Variants in TCTN1 observed in about 807,000 individuals in gnomAD.
The protein encoded by TCTN1 is tectonic family member 1.
A neutral mutation model predicts 65.8 loss-of-function variants in TCTN1; 58 were observed. That is an observed-to-expected ratio of 0.88 (90% confidence interval 0.71 to 1.10). The LOEUF (loss-of-function observed/expected upper bound fraction) is 1.10, where lower values mean the gene tolerates loss of function less well. TCTN1 is among the 50% of genes least tolerant of loss of function. The probability of loss-of-function intolerance (pLI) is 0.00; values close to 1 mark genes in which losing one functional copy is unlikely to be tolerated. For missense variants in TCTN1, 645 were observed against 719.4 expected (o/e 0.90, Z 1.18); for synonymous variants, 273 against 289.1 (o/e 0.94, Z 0.57).
Position 110,636,477 on chromosome 12 carries a change from C to T in TCTN1, c.823-4C>T, listed in dbSNP as rs754017886. 6.6e-6 allele frequency: 9 copies of T among 1,373,504 alleles called. No homozygotes were observed. The highest frequency in any genetic ancestry group is 4.7e-5 in the East Asian group (2 of 42,258). 85.1% of individuals were successfully genotyped at this position (1,373,504 alleles called of 1,614,324 possible). A position where few individuals can be genotyped will look rare whatever the true frequency, so the allele number is the denominator to read the frequency against. On this transcript the variant is annotated splice_region_variant and splice_polypyrimidine_tract_variant and intron_variant, in intron 6 of 14. Coordinates refer to ENST00000397659, the MANE Select transcript of TCTN1 (RefSeq NM_001082538.3). ...ACAATTTTTTGTGGTTTCTTTTTAT[C>T]TAGGTACCTGATTCAAGAAAAAAGG... is the stretch of plus-strand genomic sequence containing the variant.
intron 3 of TCTN1, chr12:110,628,157 C>T (rs899569348): frequency 6.5e-7 from 1 of 1,536,066 alleles, no homozygotes; most frequent in Non-Finnish European, 8.7e-7. Flanking sequence ...GTTGATACAG[C>T]AAACTCATCA....
At chr12:110,614,473 T>G in intron 1 of TCTN1, 71 bp downstream of exon 1, 1 of 1,549,488 alleles carries the variant, frequency 6.5e-7, no homozygotes, top group Non-Finnish European at 8.7e-7. Flanking sequence ...GGTGAGGACG[T>G]AATAATGATA....
At chr12:110,626,149 C>CGAGTAGGT in intron 2 of TCTN1, among the ~76,000 whole-genome samples, 1 of 151,246 alleles carries the variant, frequency 6.6e-6, no homozygotes, top group South Asian at 2.1e-4. Context: ...AGTGCAGTGG[C>CGAGTAGGT]GCGATCTTGG....
chr12:110,626,505 C>T lies in TCTN1; in HGVS notation c.472+13C>T. On this transcript the variant is annotated intron_variant, in intron 3 of 14. Transcript: ENST00000397659. ...CATATTACAAACTGTAAGTATTTGA[C>T]ATTGATATATTTTGTGAAGCTCTGG... The T allele has an allele frequency of 6.2e-7, 1 of 1,609,718 alleles. No homozygotes were observed. The highest frequency in any genetic ancestry group is 8.5e-7 in the Non-Finnish European group (1 of 1,178,312).
chr12:110,619,544 A>G (rs1565955566), intron 1 of TCTN1, among the ~76,000 whole-genome samples: 3 of 152,162 alleles, frequency 2.0e-5, no homozygotes, highest in Non-Finnish European at 1.5e-5. Context: ...AAAGTTTCTG[A>G]AAACTGCAAA....
chr12:110,628,332 A>G (rs1224398206), intron 3 of TCTN1: 1 of 1,229,346 alleles, frequency 8.1e-7, no homozygotes, highest in Admixed American at 2.6e-5. Flanking sequence ...GTGAATATGG[A>G]AAAATACACT....
chr12:110,647,518 G>C, intron 13 of TCTN1, 182 bp downstream of exon 13: 1 of 999,572 alleles, frequency 1.0e-6, no homozygotes, highest in Non-Finnish European at 1.5e-6. Flanking sequence ...TAGCATTCTG[G>C]TTCAGATTGG....
rs1169361937 is a variant in TCTN1 at position 110,641,117 on chromosome 12, C to A, written c.1072C>A (p.Leu358Met). Residue 358 changes from leucine to methionine, a missense_variant, in exon 9 of 15, where the codon CTG becomes ATG. Coordinates refer to ENST00000397659, the MANE Select transcript of TCTN1 (RefSeq NM_001082538.3). ...LGTVSSVVVPLQQKFEIHFLQ... is the reference protein window; with the variant it reads ...LGTVSSVVVPMQQKFEIHFLQ... ...GACAGTTAGCAGCGTAGTGGTCCCA[C>A]TGCAGCAAAAGTTTGAAATTCATTT... is the stretch of plus-strand genomic sequence containing the variant. 11 of 1,614,262 alleles carry A rather than the reference C, an allele frequency of 6.8e-6. No homozygotes were observed. The highest frequency in any genetic ancestry group is 7.6e-6 in the Non-Finnish European group (9 of 1,180,052).
At chr12:110,633,873 A>G (rs2066387837) in intron 5 of TCTN1, among the ~76,000 whole-genome samples, 2 of 152,198 alleles carry the variant, frequency 1.3e-5, no homozygotes, top group Admixed American at 6.6e-5. Context: ...GTGCTCTTCA[A>G]CCCAGCTGTT....
rs560838493 is a variant in TCTN1, at chr12:110,620,076, G to A, written c.341+120G>A. On this transcript the variant is annotated intron_variant, in intron 2 of 14. Transcript: ENST00000397659. Reference sequence around the variant, plus strand: ...AACCTGATTTCCAGTGTTTTACGTCGTTCTGAAGCCATACCGTCCAAACAA... The same window carrying A: ...AACCTGATTTCCAGTGTTTTACGTCATTCTGAAGCCATACCGTCCAAACAA... 112 of 1,461,286 alleles carry A rather than the reference G, an allele frequency of 7.7e-5. No individual in the cohort carries two copies. The African/African-American group carries it at 9.8e-4, about 13-fold the overall frequency. The allele number at this position is 1,461,286 out of a possible 1,614,324, so 90.5% of individuals were successfully genotyped here. A position where few individuals can be genotyped will look rare whatever the true frequency, so the allele number is the denominator to read the frequency against.
intron 1 of TCTN1, 133 bp from the exon 2 acceptor site, chr12:110,619,703 T>TC: frequency 7.1e-7 from 1 of 1,406,746 alleles, no homozygotes; most frequent in South Asian, 1.2e-5. Flanking sequence ...TTCACAAATT[T>TC]CCCCCAAAGT....
At chr12:110,626,544 A>C in intron 3 of TCTN1, 52 bp downstream of exon 3, 1 of 1,549,196 alleles carries the variant, frequency 6.5e-7, no homozygotes, top group Non-Finnish European at 8.8e-7. Flanking sequence ...ATTTTTCTCA[A>C]AGTTATGGAA....
chr12:110,626,960 C>T (rs779859296), intron 3 of TCTN1, among the ~76,000 whole-genome samples: 4 of 150,650 alleles, frequency 2.7e-5, no homozygotes, highest in Admixed American at 6.6e-5. Context: ...TTAGTAGAGA[C>T]GGGGTTTCTC....
intron 5 of TCTN1, 106 bp from the exon 6 acceptor site, chr12:110,634,564 A>G (rs975460860): frequency 3.6e-6 from 3 of 844,838 alleles, no homozygotes; most frequent in Non-Finnish European, 5.7e-6. Context: ...GTTGTAACTT[A>G]TTTTACAGTT....
chr12:110,636,936 C>A (rs2066614621), intron 7 of TCTN1, among the ~76,000 whole-genome samples: 1 of 152,214 alleles, frequency 6.6e-6, no homozygotes, highest in African/African-American at 2.4e-5. Flanking sequence ...ACCTTCAGGG[C>A]TTTATTTGAG....
chr12:110,644,888 G>A lies in TCTN1; in HGVS notation c.1332-79G>A, dbSNP rs1197215640. On this transcript the variant is annotated intron_variant, in intron 11 of 14. Transcript: ENST00000397659. This position sits in a 1 kb window ranked among gnomAD's most constrained non-coding sequence, Gnocchi z 4.6. ...CTCAAAAATAAATAAACAAAGGGAAGGAAAGGAAGAAGAAAATGAAAAACT... is the reference window on the plus strand; with the variant it reads ...CTCAAAAATAAATAAACAAAGGGAAAGAAAGGAAGAAGAAAATGAAAAACT... 1.9e-6 allele frequency: 3 copies of A among 1,577,984 alleles called. No homozygotes were observed. In the African/African-American group the frequency reaches 4.0e-5, roughly 21 times the overall value.
chr12:110,637,255 C>A (rs892958906), intron 7 of TCTN1, among the ~76,000 whole-genome samples: 1 of 152,228 alleles, frequency 6.6e-6, no homozygotes, highest in African/African-American at 2.4e-5. Context: ...CGTGCAGAGG[C>A]ATGACACAAG....
At chr12:110,629,650 T>C (rs1456256446) in intron 4 of TCTN1, 5 of 151,814 alleles carry the variant, frequency 3.3e-5, no homozygotes, top group Non-Finnish European at 5.9e-5. Flanking sequence ...TGGGTGGGAG[T>C]GTAAATTATT....
At chr12:110,643,567 A>G (rs2067103869) in intron 11 of TCTN1, 1 of 152,130 alleles carries the variant, frequency 6.6e-6, no homozygotes, top group African/African-American at 2.4e-5. Flanking sequence ...ATTAAGGAAG[A>G]CAAAGGTTTG....
Sources: allele counts gnomAD v4.1 joint callset (sites outside exome capture counted in the v4.1 genomes callset), GRCh38; gene constraint gnomAD v4.1.1; non-coding constraint Gnocchi (gnomAD v3.1); transcripts MANE v1.5; gene names NCBI Gene and HGNC (gene_info 2026-07-23, HGNC 2026-07-21).